The following ENTPD5 variants were observed in gnomAD, a reference collection of about 807,000 sequenced individuals.
ENTPD5 encodes nucleoside diphosphate phosphatase ENTPD5.
ENTPD5 carries 49 observed loss-of-function variants against 60.2 expected under a neutral mutation model. That is an observed-to-expected ratio of 0.81 (90% CI 0.65 to 1.03). The LOEUF is 1.03. Among genes scored for constraint, ENTPD5 ranks in the 50% least tolerant of loss-of-function variants. The pLI is 0.00. For missense variants in ENTPD5, 480 were observed against 507.6 expected (o/e 0.95, Z 0.52); for synonymous variants, 187 against 185.4 (o/e 1.01, Z -0.07).
chr14:74,000,547 G>A (rs59429148), intron 3 of ENTPD5, among the ~76,000 whole-genome samples: 11,978 of 151,968 alleles, frequency 0.079, 629 homozygotes, highest in South Asian at 0.26. Flanking sequence ...TTGGGAGGCC[G>A]AGGAGGGTGG....
At chr14:73,995,587 A>AT (rs2058314869) in intron 3 of ENTPD5, among the ~76,000 whole-genome samples, 1 of 77,426 alleles carries the variant, frequency 1.3e-5, no homozygotes, top group Non-Finnish European at 2.4e-5. Context: ...TCTATCTCAA[A>AT]TAATAATAAT....
At chr14:73,957,422 C>G (rs1223562269), downstream of ENTPD5, among the ~76,000 whole-genome samples, 1 of 152,144 alleles carries the variant, frequency 6.6e-6, no homozygotes, top group African/African-American at 2.4e-5. Context: ...GTATGACTGA[C>G]TGACATACAA....
At chr14:73,958,579 T>G (rs1203821537), downstream of ENTPD5, 61 of 1,292,222 alleles carry the variant, frequency 4.7e-5, no homozygotes, top group Non-Finnish European at 5.9e-5. Context: ...TGGTCATTGA[T>G]CTCTTGCCTC....
chr14:74,017,607 G>A (rs10135303), intron 1 of ENTPD5, among the ~76,000 whole-genome samples: 16,287 of 151,134 alleles, frequency 0.11, 938 homozygotes, highest in South Asian at 0.17. Context: ...TTTTACAGCC[G>A]GGGGCGGTGG....
chr14:73,958,057 G>T, downstream of ENTPD5: 1 of 1,005,644 alleles, frequency 9.9e-7, no homozygotes, highest in South Asian at 1.3e-5. Flanking sequence ...CTGCTGTCCT[G>T]GGACCTTGCT....
chr14:73,956,129 C>G (rs1298929034), downstream of ENTPD5: 10 of 570,820 alleles, frequency 1.8e-5, no homozygotes, highest in African/African-American at 3.8e-5. Flanking sequence ...TGGAGACCAT[C>G]CTGGCTAACA....
At chr14:74,005,948 CA>C (rs1372785414) in intron 3 of ENTPD5, among the ~76,000 whole-genome samples, 1 of 152,172 alleles carries the variant, frequency 6.6e-6, no homozygotes, top group African/African-American at 2.4e-5. Context: ...ACAACTCACA[CA>C]ATGTACTTCT....
chr14:73,993,955 G>C (rs1351146634), intron 3 of ENTPD5, among the ~76,000 whole-genome samples: 2 of 151,226 alleles, frequency 1.3e-5, no homozygotes, highest in Admixed American at 6.6e-5. Flanking sequence ...ACCCTGCAGA[G>C]TCATACTAGT....
At chr14:73,981,013 C>T (rs758607041) in intron 6 of ENTPD5, among the ~76,000 whole-genome samples, 2 of 151,974 alleles carry the variant, frequency 1.3e-5, no homozygotes, top group South Asian at 4.1e-4. Context: ...GCAGGAGAAT[C>T]GCTTGAATCT....
At chr14:74,012,258 C>T (rs992240559) in intron 2 of ENTPD5, among the ~76,000 whole-genome samples, 1 of 150,904 alleles carries the variant, frequency 6.6e-6, no homozygotes, top group Non-Finnish European at 1.5e-5. Flanking sequence ...GTGCCCACCA[C>T]CATCCCCGGC....
At chr14:74,015,269 T>C (rs1444897006) in intron 2 of ENTPD5, among the ~76,000 whole-genome samples, 1 of 151,754 alleles carries the variant, frequency 6.6e-6, no homozygotes, top group Non-Finnish European at 1.5e-5. Context: ...GCCTCTAAGG[T>C]AAACCCGAAT....
intron 15 of ENTPD5, among the ~76,000 whole-genome samples, chr14:73,967,896 G>A (rs537218748): frequency 2.6e-5 from 4 of 151,888 alleles, no homozygotes; most frequent in African/African-American, 4.8e-5. Flanking sequence ...AGGCTGAGGC[G>A]GGTGGATCAC....
intron 6 of ENTPD5, among the ~76,000 whole-genome samples, chr14:73,982,112 T>C (rs2057715559): frequency 6.6e-6 from 1 of 152,194 alleles, no homozygotes; most frequent in Non-Finnish European, 1.5e-5. Context: ...TCTCGCTCTG[T>C]TGCGCAGGCT....
intron 3 of ENTPD5, among the ~76,000 whole-genome samples, chr14:74,006,942 G>A (rs1354460440): frequency 6.6e-6 from 1 of 152,106 alleles, no homozygotes; most frequent in South Asian, 2.1e-4. Context: ...ATGAGTCACT[G>A]TATTTGTTTT....
chr14:73,963,108 T>C, downstream of ENTPD5: 1 of 963,600 alleles, frequency 1.0e-6, no homozygotes, highest in Non-Finnish European at 1.7e-6. Flanking sequence ...TACTTTACAT[T>C]AAAATTCTCT....
intron 3 of ENTPD5, among the ~76,000 whole-genome samples, chr14:73,998,249 A>C (rs1047717195): frequency 6.6e-5 from 10 of 152,102 alleles, no homozygotes; most frequent in African/African-American, 2.2e-4. Context: ...TTGTACAAAG[A>C]AAGCAATTAT....
downstream of ENTPD5, chr14:73,960,450 A>C: frequency 1.0e-6 from 1 of 989,372 alleles, no homozygotes; most frequent in Non-Finnish European, 1.2e-6. Flanking sequence ...CACACCAAAG[A>C]CTCCACTGCT....
chr14:74,003,337 T>G lies in ENTPD5; in HGVS notation c.-71+7754A>C, dbSNP rs984680798. On this transcript the variant is annotated intron_variant, in intron 3 of 15. Transcript: ENST00000334696. Reference sequence around the variant, plus strand: ...GGTGGAATTCAATAAAAACTGACAATAGAAATGGGCTAGGGTTTCTCTCAG... The same window carrying G: ...GGTGGAATTCAATAAAAACTGACAAGAGAAATGGGCTAGGGTTTCTCTCAG... 8 of 494,172 alleles carry G rather than the reference T, an allele frequency of 1.6e-5. 1 individual carries two copies. Among genetic ancestry groups the G allele is most frequent in the South Asian group, 1.4e-4 (8 of 58,164 alleles). The allele number at this position is 494,172 out of a possible 1,614,324, so 30.6% of individuals were successfully genotyped here. A position where few individuals can be genotyped will look rare whatever the true frequency, so the allele number is the denominator to read the frequency against.
chr14:74,003,607 C>T (rs1417256406), intron 3 of ENTPD5: 5 of 528,228 alleles, frequency 9.5e-6, no homozygotes, highest in South Asian at 3.2e-5. Context: ...AGAACTTCAC[C>T]GCCCTCTGAT....
Sources: gnomAD v4.1 joint callset for allele counts (sites outside exome capture counted in the v4.1 genomes callset) on GRCh38, gnomAD v4.1.1 for gene constraint, MANE v1.5 for transcripts, NCBI Gene and HGNC (gene_info 2026-07-23, HGNC 2026-07-21) for gene names.